Variants in INPPL1 observed in about 807,000 individuals in gnomAD.
INPPL1 encodes the protein inositol polyphosphate phosphatase like 1.
In INPPL1, 91 loss-of-function variants were observed where a neutral mutation model predicts 139.3. The ratio of observed to expected loss-of-function variants is 0.65; its 90% CI spans 0.55 to 0.78. INPPL1 has a LOEUF of 0.78. Among genes scored for constraint, INPPL1 ranks in the 30% least tolerant of loss-of-function variants. The pLI, the probability that INPPL1 is intolerant of heterozygous loss-of-function variation, is 0.00. For missense variants in INPPL1, 1,411 were observed against 1,665.6 expected (o/e 0.85, Z 2.66); for synonymous variants, 719 against 686.6 (o/e 1.05, Z -0.74).
At chr11:72,236,024 ACC>A in intron 25 of INPPL1, 38 bp downstream of exon 25, 1 of 786,270 alleles carries the variant, frequency 1.3e-6, no homozygotes, top group Non-Finnish European at 1.8e-6. Flanking sequence ...CCCTTCCCCC[ACC>A]CACCTCTATC....
intron 25 of INPPL1, 59 bp downstream of exon 25, chr11:72,236,045 T>G: frequency 1.1e-6 from 1 of 898,128 alleles, no homozygotes; most frequent in South Asian, 1.7e-5. Flanking sequence ...TCCATCACTA[T>G]CCCCTGCAGG....
At chr11:72,232,811 T>G in intron 15 of INPPL1, 47 bp downstream of exon 15, 1 of 1,613,778 alleles carries the variant, frequency 6.2e-7, no homozygotes, top group Non-Finnish European at 8.5e-7. Flanking sequence ...AAGGGCCACA[T>G]GGGCTATCAC....
In INPPL1 at chr11:72,238,121, AGC is replaced by A; in HGVS notation, c.3635_3636del (p.Arg1212LeufsTer2). 1 of 1,577,526 alleles carries A rather than the reference AGC, an allele frequency of 6.3e-7. No individual in the cohort carries two copies. The highest frequency in any genetic ancestry group is 8.6e-7 in the Non-Finnish European group (1 of 1,162,602). ...GCCTGGCTGCGGGCCATCGGCTTGG[AGC>A]GCTATGAGGAGGGCCTGGTGCATAA... On this transcript the variant is annotated frameshift_variant, in exon 27 of 28. Transcript: ENST00000298229. LOFTEE classifies it high-confidence loss of function.
rs761169502 is a variant in INPPL1 at position 72,232,896 on chromosome 11, A to G, written c.1873A>G (p.Arg625Gly). 1 of 1,614,116 alleles carries G rather than the reference A, an allele frequency of 6.2e-7. No individual in the cohort carries two copies. The highest frequency in any genetic ancestry group is 1.7e-5 in the Admixed American group (1 of 60,028). Residue 625 changes from arginine to glycine, a missense_variant, in exon 16 of 28, where the codon AGG (arginine) becomes GGG (glycine). This residue lies in a region of INPPL1 where 363 missense variants were observed against 446.2 expected (regional missense o/e 0.81). Coordinates refer to ENST00000298229, the MANE Select transcript of INPPL1 (RefSeq NM_001567.4). ...DIQEILNYISRKEFEPLLRVD... is the reference protein window; with the variant it reads ...DIQEILNYISGKEFEPLLRVD... ...CCAGGAGATCCTGAACTACATCAGCAGGAAAGAGTTTGAGCCCCTCCTCAG... is the reference window on the plus strand; with the variant it reads ...CCAGGAGATCCTGAACTACATCAGCGGGAAAGAGTTTGAGCCCCTCCTCAG...
rs1293622519 is a variant in INPPL1 at position 72,233,472 on chromosome 11, G to A, written c.2072G>A (p.Arg691Gln). The change falls in exon 18 of 28, where the codon CGG becomes CAG. Residue 691 changes from arginine to glutamine, a missense_variant. Transcript: ENST00000298229. ...VRTNVPSWCD[R>Q]ILWKSYPETH... is the part of the protein sequence containing the mutation. ...ACCAATGTGCCCTCATGGTGTGACC[G>A]GATTCTGTGGAAATCCTACCCTGAA... The A allele has an allele frequency of 7.4e-6, 12 of 1,614,026 alleles. No homozygotes were observed. The highest frequency in any genetic ancestry group is 1.3e-5 in the African/African-American group (1 of 74,920).
intron 17 of INPPL1, 84 bp from the exon 18 acceptor site, chr11:72,233,357 G>A: frequency 8.3e-7 from 1 of 1,207,548 alleles, no homozygotes; most frequent in Non-Finnish European, 1.2e-6. Flanking sequence ...TAGAAGTGTG[G>A]GGACTCATCA....
Position 72,228,157 on chromosome 11 carries a change from G to T in INPPL1, c.183-33G>T. On this transcript the variant is annotated intron_variant, in intron 1 of 27. Transcript: ENST00000298229. The surrounding 1 kb of genome is among the most constrained non-coding windows in gnomAD (Gnocchi z 5.0). ...CTTTGGGTCTTAGACCCCAGCCTGG[G>T]GGTGACAGATTCTGGCCCTGCCTTG... 1 of 1,613,164 alleles carries T rather than the reference G, an allele frequency of 6.2e-7. No homozygotes were observed. The highest frequency in any genetic ancestry group is 1.1e-5 in the South Asian group (1 of 91,030).
intron 6 of INPPL1, 29 bp from the exon 7 acceptor site, chr11:72,229,634 T>C (rs1471729146): frequency 7.4e-6 from 12 of 1,612,804 alleles, no homozygotes; most frequent in Non-Finnish European, 1.0e-5. Context: ...AGGTGACTCA[T>C]GTACAAGCCT....
Position 72,237,512 on chromosome 11 carries a change from C to T in INPPL1, c.3268C>T (p.Pro1090Ser), listed in dbSNP as rs1206741753. 6.2e-7 allele frequency: 1 copy of T among 1,608,148 alleles called. No homozygotes were observed. The highest frequency in any genetic ancestry group is 8.5e-7 in the Non-Finnish European group (1 of 1,176,282). Residue 1090 changes from proline (P) to serine (S), a missense_variant, in exon 26 of 28, where the codon CCT (proline) becomes TCT (serine). Around this residue, in one of 5 missense-constraint regions of INPPL1, gnomAD observed 438 missense variants for 425.7 expected, o/e 1.03. Coordinates refer to ENST00000298229, the MANE Select transcript of INPPL1 (RefSeq NM_001567.4). ...TGGGGCTGAGGCCCGTGGCCCACCA[C>T]CTCCCAAGGCCCATCCAAGGCCTCC... is the stretch of plus-strand genomic sequence containing the variant. ...RGGAEARGPP[P>S]PKAHPRPPLP...
intron 17 of INPPL1, 26 bp downstream of exon 17, chr11:72,233,189 T>C: frequency 6.2e-7 from 1 of 1,600,358 alleles, no homozygotes. Flanking sequence ...GGCATGGGCC[T>C]TGGGGGACCG....
Position 72,238,367 on chromosome 11 carries a change from A to T in INPPL1, c.*14A>T, listed in dbSNP as rs1162391015. ...CTCAGCAAGTGATAGCGGAGGCACC[A>T]CGAAGCTGTGAACTCAGAGCCCCTC... On this transcript the variant is annotated 3_prime_UTR_variant, in exon 28 of 28. Transcript: ENST00000298229. 4 of 1,525,452 alleles carry T rather than the reference A, an allele frequency of 2.6e-6. No homozygotes were observed. The South Asian group carries it at 5.2e-5, about 20-fold the overall frequency. The allele number at this position is 1,525,452 out of a possible 1,614,324, so 94.5% of individuals were successfully genotyped here.
chr11:72,238,475 T>A lies in INPPL1; in HGVS notation c.*122T>A, dbSNP rs1949066171. On this transcript the variant is annotated 3_prime_UTR_variant, in exon 28 of 28. Coordinates refer to ENST00000298229, the MANE Select transcript of INPPL1 (RefSeq NM_001567.4). ...GTATCTCTCTGCCTATTTATTGGGG[T>A]GCCTATTTATTGGGGATCTGCATTC... 13 of 749,306 alleles carry A rather than the reference T, an allele frequency of 1.7e-5. No homozygotes were observed. The South Asian group carries it at 3.2e-4, about 18-fold the overall frequency. 46.4% of individuals were successfully genotyped at this position (749,306 alleles called of 1,614,324 possible).
chr11:72,224,859 C>A lies in INPPL1; in HGVS notation c.-126C>A, dbSNP rs572311778. On this transcript the variant is annotated 5_prime_UTR_variant, in exon 1 of 28. Transcript: ENST00000298229. Reference sequence around the variant, plus strand: ...CGGCGGAGTGCTGAGTCCCGATCCCCGGCTCTGTCCGGCCCACGGATCCTC... The same window carrying A: ...CGGCGGAGTGCTGAGTCCCGATCCCAGGCTCTGTCCGGCCCACGGATCCTC... 1.1e-4 allele frequency: 66 copies of A among 610,610 alleles called. 1 individual carries two copies. In the African/African-American group the frequency reaches 1.1e-3, roughly 10 times the overall value. The allele number at this position is 610,610 out of a possible 1,614,324, so 37.8% of individuals were successfully genotyped here. A position where few individuals can be genotyped will look rare whatever the true frequency, so the allele number is the denominator to read the frequency against.
chr11:72,233,318 AG>A (rs1948889355), intron 17 of INPPL1, 122 bp from the exon 18 acceptor site: 3 of 1,056,302 alleles, frequency 2.8e-6, no homozygotes. Flanking sequence ...GGATCCAAGA[AG>A]GGAGGTGGGT....
Position 72,238,078 on chromosome 11 carries a change from G to C in INPPL1, c.3589G>C (p.Gly1197Arg). Residue 1197 changes from glycine (G) to arginine (R), a missense_variant, in exon 27 of 28, where the codon GGC becomes CGC. Coordinates refer to ENST00000298229, the MANE Select transcript of INPPL1 (RefSeq NM_001567.4). ...GCAGGGCGGGCGGGCCAGCGGGCTG[G>C]GCGAGGCAGGCATGAGTGCCTGGCT... ...CLQGGRASGL[G>R]EAGMSAWLRA... 6.4e-7 allele frequency: 1 copy of C among 1,574,750 alleles called. No homozygotes were observed. The highest frequency in any genetic ancestry group is 1.4e-5 in the African/African-American group (1 of 73,982).
chr11:72,234,759 G>GTGTGTA lies in INPPL1; in HGVS notation c.2415+147_2415+152dup, dbSNP rs1948937911. On this transcript the variant is annotated intron_variant, in intron 21 of 27. Coordinates refer to ENST00000298229, the MANE Select transcript of INPPL1 (RefSeq NM_001567.4). The surrounding 1 kb of genome is among the most constrained non-coding windows in gnomAD (Gnocchi z 4.2). ...TGTGTGTGTGTGTGTGTGTGTGTGT[G>GTGTGTA]TGTGTATGGGCATGGGCATGAGTGA... 1.6e-6 allele frequency: 1 copy of GTGTGTA among 638,172 alleles called. No homozygotes were observed. The highest frequency in any genetic ancestry group is 2.7e-6 in the Non-Finnish European group (1 of 363,832). The allele number at this position is 638,172 out of a possible 1,614,324, so 39.5% of individuals were successfully genotyped here.
At chr11:72,237,925 GAC>G in intron 26 of INPPL1, 115 bp from the exon 27 acceptor site, 1 of 1,444,770 alleles carries the variant, frequency 6.9e-7, no homozygotes. Context: ...GAAGTTGGGA[GAC>G]ACATGTATCA....
rs1948768883 is a variant in INPPL1 at position 72,229,476 on chromosome 11, A to G, written c.671A>G (p.Lys224Arg). 1 of 1,614,080 alleles carries G rather than the reference A, an allele frequency of 6.2e-7. No individual in the cohort carries two copies. Among genetic ancestry groups the G allele is most frequent in the African/African-American group, 1.3e-5 (1 of 75,030 alleles). Residue 224 changes from lysine (K) to arginine (R), a missense_variant, in exon 6 of 28, where the codon AAG (lysine) becomes AGG (arginine). Around this residue, in one of 5 missense-constraint regions of INPPL1, gnomAD observed 504 missense variants for 595.6 expected, o/e 0.85. Transcript: ENST00000298229. Reference sequence around the variant, plus strand: ...GATGTCTTCCCTAGTGAGGTGGACAAGGTCCTGTCAGGCCTGGAGATCCTG... The same window carrying G: ...GATGTCTTCCCTAGTGAGGTGGACAGGGTCCTGTCAGGCCTGGAGATCCTG... ...SCRRLHSEVD[K>R]VLSGLEILSK...
intron 5 of INPPL1, 53 bp downstream of exon 5, chr11:72,229,283 C>G (rs1191685263): frequency 6.5e-7 from 1 of 1,544,394 alleles, no homozygotes; most frequent in African/African-American, 1.4e-5. Context: ...GACCTGTCCT[C>G]ACCTGCTTCC....
Sources: gnomAD v4.1 joint callset for allele counts on GRCh38, gnomAD v4.1.1 for gene constraint, gnomAD v4.1.1 regional missense constraint, Gnocchi (gnomAD v3.1) non-coding constraint, MANE v1.5 for transcripts, NCBI Gene and HGNC (gene_info 2026-07-23, HGNC 2026-07-21) for gene names.